Variants in SYT2 observed in about 807,000 individuals in gnomAD.
The protein encoded by SYT2 is synaptotagmin 2.
Under a neutral mutation model 39.9 loss-of-function variants are expected in SYT2, and 15 were observed. The observed-to-expected ratio is 0.38, with a 90% CI of 0.25 to 0.58. The LOEUF (loss-of-function observed/expected upper bound fraction) is 0.58, where lower values mean the gene tolerates loss of function less well. Among genes scored for constraint, SYT2 ranks in the 20% least tolerant of loss-of-function variants. The pLI is 0.70. For missense variants in SYT2, 389 were observed against 530.3 expected, an observed-to-expected ratio of 0.73 and a Z score of 2.62; for synonymous variants, 181 against 204.5, an observed-to-expected ratio of 0.89 and a Z score of 0.98.
chr1:202,630,886 G>A (rs1037493829), intron 1 of SYT2, among the ~76,000 whole-genome samples: 1 of 152,222 alleles, frequency 6.6e-6, no homozygotes, highest in Non-Finnish European at 1.5e-5. Context: ...CAGAGGAGAG[G>A]TGGAATGGAA....
At chr1:202,705,740 C>G (rs1011008886) in intron 1 of SYT2, among the ~76,000 whole-genome samples, 1 of 146,292 alleles carries the variant, frequency 6.8e-6, no homozygotes, top group African/African-American at 2.5e-5. Flanking sequence ...TTTTTTGAGA[C>G]CGGATCTCAC....
At chr1:202,708,425 A>G (rs1281174323) in intron 1 of SYT2, among the ~76,000 whole-genome samples, 2 of 151,998 alleles carry the variant, frequency 1.3e-5, no homozygotes, top group Non-Finnish European at 2.9e-5. Context: ...GGAGAAGGTA[A>G]GGATTAAGCC....
At chr1:202,643,824 T>C (rs1243753676) in intron 1 of SYT2, among the ~76,000 whole-genome samples, 1 of 151,980 alleles carries the variant, frequency 6.6e-6, no homozygotes, top group African/African-American at 2.4e-5. Context: ...CTCCCCCGAT[T>C]CTGCCGAGGA....
intron 1 of SYT2, among the ~76,000 whole-genome samples, chr1:202,704,991 T>C (rs924127108): frequency 6.6e-6 from 1 of 152,264 alleles, no homozygotes; most frequent in African/African-American, 2.4e-5. Context: ...TAAAGGCTGC[T>C]GCCTGATTTA....
chr1:202,688,092 G>C lies in SYT2; in HGVS notation c.-18+22166C>G, dbSNP rs1446783702. Among the ~76,000 whole-genome samples the C allele has an allele frequency of 5.3e-5, 8 of 152,160 alleles. No individual in the cohort carries two copies. The East Asian group carries it at 1.5e-3, about 29-fold the overall frequency. On this transcript the variant is annotated intron_variant, in intron 1 of 8. Transcript: ENST00000367268. ...GCAGAGACCCCATTTGTGAGCAAAAGCCTGGCTCTCTGGTCACTGACACCC... is the reference window on the plus strand; with the variant it reads ...GCAGAGACCCCATTTGTGAGCAAAACCCTGGCTCTCTGGTCACTGACACCC...
At position 202,633,701 on chromosome 1, in the gene SYT2, G is replaced by A. The variant is rs186642395; in HGVS notation, c.-17-27912C>T. Among the ~76,000 whole-genome samples, 45 of 152,314 alleles carry A rather than the reference G, an allele frequency of 3.0e-4. No individual in the cohort carries two copies. In the East Asian group the frequency reaches 7.5e-3, roughly 25 times the overall value. On this transcript the variant is annotated intron_variant, in intron 1 of 8. Coordinates refer to ENST00000367268, the MANE Select transcript of SYT2 (RefSeq NM_177402.5). ...TTGTTACAGCCTCTAACTGAATGGT[G>A]AGAGGCCAGTGAGAGAGCCAGAGCT...
intron 1 of SYT2, among the ~76,000 whole-genome samples, chr1:202,652,038 C>T (rs1311070247): frequency 2.6e-5 from 4 of 152,202 alleles, no homozygotes; most frequent in East Asian, 1.9e-4. Flanking sequence ...AGCCTGGTGA[C>T]AGAGTGAGAC....
intron 1 of SYT2, among the ~76,000 whole-genome samples, chr1:202,613,886 G>T (rs1164012034): frequency 6.6e-6 from 1 of 152,210 alleles, no homozygotes; most frequent in Non-Finnish European, 1.5e-5. Flanking sequence ...TGTGAAACTT[G>T]ATTTCTTCAA....
chr1:202,600,298 A>T, intron 7 of SYT2, 59 bp downstream of exon 7: 1 of 1,418,864 alleles, frequency 7.0e-7, no homozygotes, highest in Non-Finnish European at 9.9e-7. Flanking sequence ...AAACTCTGGG[A>T]CTTGGTGCTG....
At chr1:202,627,600 C>G in intron 1 of SYT2, 1 of 985,328 alleles carries the variant, frequency 1.0e-6, no homozygotes, top group Non-Finnish European at 1.2e-6. Flanking sequence ...CAGTGCAGCT[C>G]AGGTTCTCTG....
chr1:202,684,516 C>T (rs934064431), intron 1 of SYT2, among the ~76,000 whole-genome samples: 2 of 152,130 alleles, frequency 1.3e-5, no homozygotes, highest in Non-Finnish European at 2.9e-5. Context: ...GTATATGCGC[C>T]ATATTTTCTT....
At chr1:202,610,138 T>C (rs1690845547) in intron 1 of SYT2, among the ~76,000 whole-genome samples, 1 of 152,244 alleles carries the variant, frequency 6.6e-6, no homozygotes, top group African/African-American at 2.4e-5. Flanking sequence ...ATTTATTAAA[T>C]AGGGAATCGT....
chr1:202,639,425 C>A (rs1280996526), intron 1 of SYT2: 1 of 883,772 alleles, frequency 1.1e-6, no homozygotes, highest in Non-Finnish European at 1.4e-6. Context: ...CGTCGCTGGG[C>A]TTGGAGCTCC....
chr1:202,603,220 T>C lies in SYT2; in HGVS notation c.346-102A>G, dbSNP rs111685030. The C allele has an allele frequency of 9.6e-4, 1,424 of 1,483,728 alleles. 16 individuals are homozygous for C. The African/African-American group carries it at 0.017, about 18-fold the overall frequency. The allele number at this position is 1,483,728 out of a possible 1,614,324, so 91.9% of individuals were successfully genotyped here. On this transcript the variant is annotated intron_variant, in intron 3 of 8. Transcript: ENST00000367268. Reference sequence around the variant, plus strand: ...AAACCAGCCCCTCTGTGGTAGACCCTGACTCAGAGCTGTGTGTGGTGGGAA... The same window carrying C: ...AAACCAGCCCCTCTGTGGTAGACCCCGACTCAGAGCTGTGTGTGGTGGGAA...
At position 202,623,646 on chromosome 1, in the gene SYT2, G is replaced by A. The variant is rs1038549480; in HGVS notation, c.-17-17857C>T. On this transcript the variant is annotated intron_variant, in intron 1 of 8. Transcript: ENST00000367268. The surrounding 1 kb of genome is among the most constrained non-coding windows in gnomAD (Gnocchi z 4.2). ...CCCTGGGCTGCCTGGTGTAGGATAC[G>A]GAAAGTGTGTAGGGGGGGTGCACCC... is the stretch of plus-strand genomic sequence containing the variant. Among the ~76,000 whole-genome samples, 5 of 152,212 alleles carry A rather than the reference G, an allele frequency of 3.3e-5. No individual in the cohort carries two copies. Among genetic ancestry groups the A allele is most frequent in the African/African-American group, 4.8e-5 (2 of 41,450 alleles).
chr1:202,617,370 C>T (rs1287228239), intron 1 of SYT2, among the ~76,000 whole-genome samples: 1 of 151,884 alleles, frequency 6.6e-6, no homozygotes, highest in Non-Finnish European at 1.5e-5. Flanking sequence ...TGTAGCACCC[C>T]CCAACCCCCA....
rs1481220357 is a variant in SYT2 at position 202,591,223 on chromosome 1, T to C, written c.*5534A>G. The stretch of plus-strand genomic sequence containing the variant: ...TCTGTGTGCAACTTCTGTTGTGGTT[T>C]GTGCAGGGCAAGCCTGCCTCGCCAC... On this transcript the variant is annotated 3_prime_UTR_variant, in exon 9 of 9. Transcript: ENST00000367268. 2.0e-5 allele frequency: 3 copies of C among 152,390 alleles called. No individual in the cohort carries two copies. Among genetic ancestry groups the C allele is most frequent in the Non-Finnish European group, 4.4e-5 (3 of 68,150 alleles). The allele number at this position is 152,390 out of a possible 1,614,324, so 9.4% of individuals were successfully genotyped here.
chr1:202,619,710 T>TG (rs1443335295), intron 1 of SYT2, among the ~76,000 whole-genome samples: 5 of 152,148 alleles, frequency 3.3e-5, no homozygotes, highest in Admixed American at 6.5e-5. Context: ...CAGAAAGACT[T>TG]GCCAGAGAGG....
At chr1:202,648,205 G>A (rs1382041084) in intron 1 of SYT2, among the ~76,000 whole-genome samples, 1 of 152,176 alleles carries the variant, frequency 6.6e-6, no homozygotes, top group African/African-American at 2.4e-5. Flanking sequence ...TATTTGTTTT[G>A]AGGCAGAGTC....
Sources: allele counts gnomAD v4.1 joint callset (sites outside exome capture counted in the v4.1 genomes callset), GRCh38; gene constraint gnomAD v4.1.1; non-coding constraint Gnocchi (gnomAD v3.1); transcripts MANE v1.5; gene names NCBI Gene and HGNC (gene_info 2026-07-23, HGNC 2026-07-21).